Variants in GAB2 observed in about 807,000 individuals in gnomAD.
The protein encoded by GAB2 is GRB2-associated-binding protein 2.
GAB2 carries 26 observed loss-of-function variants against 65.5 expected under a neutral mutation model. That is an observed-to-expected ratio of 0.40 (90% CI 0.29 to 0.55). The LOEUF (loss-of-function observed/expected upper bound fraction) is 0.55. Among genes scored for constraint, GAB2 ranks in the 20% least tolerant of loss-of-function variants. The pLI is 0.53. For missense variants in GAB2, 884 were observed against 875.8 expected, an observed-to-expected ratio of 1.01 and a Z score of -0.12; for synonymous variants, 321 against 329.6, an observed-to-expected ratio of 0.97 and a Z score of 0.28.
At chr11:78,289,658 G>A (rs532641370) in intron 1 of GAB2, among the ~76,000 whole-genome samples, 13 of 152,028 alleles carry the variant, frequency 8.6e-5, no homozygotes, top group Non-Finnish European at 1.5e-4. Context: ...GACATAATAC[G>A]CTAGTAGACC....
rs1864191980 is a variant in GAB2 at position 78,217,214 on chromosome 11, G to A, written c.*2058C>T. On this transcript the variant is annotated 3_prime_UTR_variant, in exon 10 of 10. Coordinates refer to ENST00000361507, the MANE Select transcript of GAB2 (RefSeq NM_080491.3). ...CCATCAGCATTTGAAGTCTCTGTCTGATGGCCATCACCACTGTCTCATGTC... is the reference window on the plus strand; with the variant it reads ...CCATCAGCATTTGAAGTCTCTGTCTAATGGCCATCACCACTGTCTCATGTC... 1 of 152,376 alleles carries A rather than the reference G, an allele frequency of 6.6e-6. No homozygotes were observed. The highest frequency in any genetic ancestry group is 1.5e-5 in the Non-Finnish European group (1 of 68,096). The allele number at this position is 152,376 out of a possible 1,614,324, so 9.4% of individuals were successfully genotyped here. A position where few individuals can be genotyped will look rare whatever the true frequency, so the allele number is the denominator to read the frequency against.
At chr11:78,283,095 A>C (rs1866375869) in intron 1 of GAB2, among the ~76,000 whole-genome samples, 1 of 152,144 alleles carries the variant, frequency 6.6e-6, no homozygotes, top group Non-Finnish European at 1.5e-5. Context: ...ATATTTACCT[A>C]GTCAATGACT....
chr11:78,254,720 A>G (rs1865548070), intron 2 of GAB2, among the ~76,000 whole-genome samples: 1 of 151,878 alleles, frequency 6.6e-6, no homozygotes, highest in African/African-American at 2.4e-5. Context: ...GACTGCTCCA[A>G]CCCAAGAGAT....
Position 78,218,783 on chromosome 11 carries a change from G to C in GAB2, c.*489C>G, listed in dbSNP as rs567898077. 1.3e-5 allele frequency: 2 copies of C among 154,332 alleles called. No homozygotes were observed. Among genetic ancestry groups the C allele is most frequent in the South Asian group, 2.0e-4 (1 of 4,880 alleles). 9.6% of individuals were successfully genotyped at this position (154,332 alleles called of 1,614,324 possible). On this transcript the variant is annotated 3_prime_UTR_variant, in exon 10 of 10. Coordinates refer to ENST00000361507, the MANE Select transcript of GAB2 (RefSeq NM_080491.3). ...TGCCAAGAAAAACAGGAATGAAAAA[G>C]TCCATTATCCACTTTGGTTTGCTGG...
At chr11:78,360,594 A>C (rs1856421258) in intron 1 of GAB2, among the ~76,000 whole-genome samples, 1 of 152,182 alleles carries the variant, frequency 6.6e-6, no homozygotes, top group African/African-American at 2.4e-5. Context: ...GTGGTGGCTC[A>C]TGCCTGTAAT....
intron 1 of GAB2, among the ~76,000 whole-genome samples, chr11:78,286,330 T>G (rs1866480827): frequency 6.6e-6 from 1 of 152,148 alleles, no homozygotes; most frequent in Non-Finnish European, 1.5e-5. Flanking sequence ...TCACTTCTCC[T>G]GGAAGGCCTT....
intron 5 of GAB2, among the ~76,000 whole-genome samples, 198 bp from the exon 6 acceptor site, chr11:78,223,874 G>C (rs1246026533): frequency 6.6e-6 from 1 of 151,938 alleles, no homozygotes; most frequent in Non-Finnish European, 1.5e-5. Context: ...TGAGGTGAGG[G>C]GTTCGAGACC....
At chr11:78,253,045 C>G (rs992680348) in intron 2 of GAB2, among the ~76,000 whole-genome samples, 3 of 135,048 alleles carry the variant, frequency 2.2e-5, no homozygotes, top group Non-Finnish European at 4.6e-5. Context: ...GAGTCTCGCT[C>G]TGTCATCCAG....
intron 1 of GAB2, 73 bp downstream of exon 1, chr11:78,417,573 C>A: frequency 2.5e-6 from 2 of 814,828 alleles, no homozygotes; most frequent in Non-Finnish European, 3.2e-6. Context: ...GCCGCCCCTC[C>A]GGGAGTCCCC....
chr11:78,400,267 ACCT>A (rs1043650530), intron 1 of GAB2, among the ~76,000 whole-genome samples: 5 of 152,028 alleles, frequency 3.3e-5, no homozygotes, highest in African/African-American at 1.2e-4. Context: ...TCACATGTCC[ACCT>A]CCTATTCCAG....
chr11:78,370,444 T>C (rs1299762951), intron 1 of GAB2, among the ~76,000 whole-genome samples: 1 of 151,910 alleles, frequency 6.6e-6, no homozygotes, highest in Non-Finnish European at 1.5e-5. Context: ...AGGGCAAGGG[T>C]CTGTGATGGG....
intron 3 of GAB2, among the ~76,000 whole-genome samples, chr11:78,235,229 T>C (rs1864951497): frequency 6.7e-6 from 1 of 149,516 alleles, no homozygotes; most frequent in South Asian, 2.1e-4. Flanking sequence ...CTCGGCTCAC[T>C]GCAAGCTCCG....
chr11:78,351,887 A>G (rs974096424), intron 1 of GAB2, among the ~76,000 whole-genome samples: 3 of 152,142 alleles, frequency 2.0e-5, no homozygotes, highest in Non-Finnish European at 4.4e-5. Flanking sequence ...ACTTGACCAA[A>G]AGGAACCAAG....
intron 1 of GAB2, among the ~76,000 whole-genome samples, chr11:78,393,528 C>T (rs773129041): frequency 1.3e-5 from 2 of 152,112 alleles, no homozygotes; most frequent in Non-Finnish European, 2.9e-5. Flanking sequence ...AAAGAAGAAT[C>T]AGGGAAGCCA....
At chr11:78,292,426 A>T (rs1246531665) in intron 1 of GAB2, among the ~76,000 whole-genome samples, 1 of 152,230 alleles carries the variant, frequency 6.6e-6, no homozygotes, top group African/African-American at 2.4e-5. Context: ...TCTTTGGTAT[A>T]CCAAAGTCAG....
At chr11:78,302,146 C>A (rs1291950403) in intron 1 of GAB2, among the ~76,000 whole-genome samples, 1 of 152,110 alleles carries the variant, frequency 6.6e-6, no homozygotes, top group Non-Finnish European at 1.5e-5. Flanking sequence ...GATTTCATGA[C>A]CATGAACCCA....
At chr11:78,247,155 T>A (rs564797428) in intron 3 of GAB2, among the ~76,000 whole-genome samples, 1 of 152,250 alleles carries the variant, frequency 6.6e-6, no homozygotes, top group East Asian at 1.9e-4. Context: ...GGCAAATGCA[T>A]GAAAGACAAA....
At chr11:78,268,687 ACTAT>A (rs997012906) in intron 2 of GAB2, among the ~76,000 whole-genome samples, 4 of 151,026 alleles carry the variant, frequency 2.6e-5, no homozygotes, top group African/African-American at 7.3e-5. Flanking sequence ...GTAACACTAG[ACTAT>A]CTATGCTGGC....
At chr11:78,231,186 G>A (rs777041655) in intron 3 of GAB2, among the ~76,000 whole-genome samples, 3 of 152,196 alleles carry the variant, frequency 2.0e-5, no homozygotes, top group African/African-American at 4.8e-5. Flanking sequence ...GAGCTCCCCA[G>A]AATCAAAAAG....
Sources: allele counts gnomAD v4.1 joint callset (sites outside exome capture counted in the v4.1 genomes callset), GRCh38; gene constraint gnomAD v4.1.1; transcripts MANE v1.5; gene names NCBI Gene and HGNC (gene_info 2026-07-23, HGNC 2026-07-21).